C8orf34: variants seen among roughly 807,000 people sequenced by gnomAD.
C8orf34 encodes chromosome 8 open reading frame 34.
A neutral mutation model predicts 68.3 loss-of-function variants in C8orf34; 65 were observed. The ratio of observed to expected loss-of-function variants is 0.95; its 90% CI spans 0.78 to 1.17. C8orf34 has a LOEUF of 1.17. Among genes scored for constraint, C8orf34 ranks in the 50% most tolerant of loss-of-function variants. The probability of loss-of-function intolerance (pLI) is 0.00; values close to 1 mark genes in which losing one functional copy is unlikely to be tolerated. For synonymous variants in C8orf34, 244 were observed against 241.2 expected, an observed-to-expected ratio of 1.01 and a Z score of -0.11; for missense variants, 664 against 655.4, an observed-to-expected ratio of 1.01 and a Z score of -0.14.
At chr8:68,490,684 T>C (rs1813273371) in intron 5 of C8orf34, among the ~76,000 whole-genome samples, 1 of 152,198 alleles carries the variant, frequency 6.6e-6, no homozygotes, top group African/African-American at 2.4e-5. Flanking sequence ...TAAATAACTT[T>C]TCACTTAAAA....
intron 7 of C8orf34, among the ~76,000 whole-genome samples, chr8:68,546,441 A>G (rs1815883709): frequency 6.6e-6 from 1 of 151,924 alleles, no homozygotes; most frequent in South Asian, 2.1e-4. Flanking sequence ...AGGAAGACAA[A>G]ACAATTCTAA....
At chr8:68,772,274 C>T (rs1371291727) in intron 10 of C8orf34, among the ~76,000 whole-genome samples, 1 of 152,146 alleles carries the variant, frequency 6.6e-6, no homozygotes, top group Non-Finnish European at 1.5e-5. Context: ...CACACAAGTG[C>T]CAGTCTGTTT....
At chr8:68,719,599 A>G (rs961554923) in intron 9 of C8orf34, among the ~76,000 whole-genome samples, 7 of 152,040 alleles carry the variant, frequency 4.6e-5, no homozygotes, top group Admixed American at 6.6e-5. Flanking sequence ...ACACAAATAT[A>G]CAATACAATA....
intron 3 of C8orf34, among the ~76,000 whole-genome samples, chr8:68,453,556 A>G (rs1048246687): frequency 1.3e-5 from 2 of 151,796 alleles, no homozygotes; most frequent in African/African-American, 4.8e-5. Flanking sequence ...ATTGTTTCTT[A>G]TTTTCATTTT....
chr8:68,673,438 A>C (rs1048090778), intron 8 of C8orf34, among the ~76,000 whole-genome samples: 11 of 152,084 alleles, frequency 7.2e-5, no homozygotes, highest in African/African-American at 2.7e-4. Flanking sequence ...CCCTGACACC[A>C]TTCACCACAA....
intron 8 of C8orf34, among the ~76,000 whole-genome samples, chr8:68,663,762 G>A (rs181682580): frequency 3.5e-4 from 53 of 152,270 alleles, no homozygotes; most frequent in African/African-American, 1.2e-3. Flanking sequence ...ATGAAAGATT[G>A]CATTACTGTT....
At chr8:68,352,748 A>G (rs1233192603) in intron 1 of C8orf34, among the ~76,000 whole-genome samples, 2 of 152,150 alleles carry the variant, frequency 1.3e-5, no homozygotes, top group Admixed American at 6.6e-5. Context: ...CAGCAATTTC[A>G]TTGTAGGAAT....
chr8:68,514,796 A>G (rs1430099989), intron 5 of C8orf34, among the ~76,000 whole-genome samples: 1 of 152,162 alleles, frequency 6.6e-6, no homozygotes, highest in Non-Finnish European at 1.5e-5. Flanking sequence ...ATTTTCATTC[A>G]ACAGTGTAAC....
intron 12 of C8orf34, among the ~76,000 whole-genome samples, chr8:68,788,314 A>G (rs1298376910): frequency 6.6e-6 from 1 of 152,228 alleles, no homozygotes; most frequent in Admixed American, 6.5e-5. Context: ...CATTATAATC[A>G]TGAATCTGGA....
intron 8 of C8orf34, among the ~76,000 whole-genome samples, chr8:68,654,740 A>C (rs1819464973): frequency 6.6e-6 from 1 of 152,188 alleles, no homozygotes. Context: ...CATGATTTCT[A>C]CATTTTAATA....
At chr8:68,413,384 C>G (rs1809527232) in intron 1 of C8orf34, among the ~76,000 whole-genome samples, 1 of 152,194 alleles carries the variant, frequency 6.6e-6, no homozygotes, top group Non-Finnish European at 1.5e-5. Context: ...GCACAGAGTG[C>G]TTGAGTTATA....
chr8:68,586,193 C>A (rs1817205899), intron 7 of C8orf34, among the ~76,000 whole-genome samples: 1 of 152,114 alleles, frequency 6.6e-6, no homozygotes, highest in Non-Finnish European at 1.5e-5. Context: ...AGCCTCAATA[C>A]ATGTATATTT....
chr8:68,527,860 T>C (rs1163077014), intron 6 of C8orf34, among the ~76,000 whole-genome samples: 1 of 152,194 alleles, frequency 6.6e-6, no homozygotes, highest in South Asian at 2.1e-4. Context: ...CACTCCTGCA[T>C]CCCTGCAGCA....
chr8:68,499,077 T>C (rs1813654171), intron 5 of C8orf34, among the ~76,000 whole-genome samples: 1 of 152,160 alleles, frequency 6.6e-6, no homozygotes, highest in Non-Finnish European at 1.5e-5. Context: ...TGCCCCTCTC[T>C]TTCTCTCCCC....
intron 5 of C8orf34, among the ~76,000 whole-genome samples, chr8:68,520,812 T>C (rs1260415521): frequency 6.6e-6 from 1 of 152,148 alleles, no homozygotes; most frequent in Non-Finnish European, 1.5e-5. Context: ...AATAGTAAAA[T>C]TTATCACTAA....
At chr8:68,608,060 A>T (rs1563558644) in intron 7 of C8orf34, among the ~76,000 whole-genome samples, 1 of 151,718 alleles carries the variant, frequency 6.6e-6, no homozygotes, top group East Asian at 1.9e-4. Flanking sequence ...TAATTTATTC[A>T]CTCTCATTCA....
rs1003878296 is a variant in C8orf34 at position 68,571,411 on chromosome 8, T to C, written c.1105+38262T>C. 4.1e-4 allele frequency among the ~76,000 whole-genome samples: 62 copies of C among 152,328 alleles called. 1 individual carries two copies. The highest frequency in any genetic ancestry group is 1.2e-3 in the African/African-American group (51 of 41,586). On this transcript the variant is annotated intron_variant, in intron 7 of 13. Coordinates refer to ENST00000518698, the MANE Select transcript of C8orf34 (RefSeq NM_052958.4). The stretch of plus-strand genomic sequence containing the variant: ...AGTCTTCTTGCTCCAAAGTTGAAGA[T>C]GACTTGGAGCAAGACAACTTCAGAG...
chr8:68,396,732 A>G lies in C8orf34; in HGVS notation c.328-42767A>G, dbSNP rs1434816005. Reference sequence around the variant, plus strand: ...CTTGTCAAAAAAAAAAAAAAAAAAAAAAAAAAAAAGCCTGGTGCCTCCTCT... The same window carrying G: ...CTTGTCAAAAAAAAAAAAAAAAAAAGAAAAAAAAAGCCTGGTGCCTCCTCT... On this transcript the variant is annotated intron_variant, in intron 1 of 13. Transcript: ENST00000518698. 4.7e-5 allele frequency among the ~76,000 whole-genome samples: 7 copies of G among 148,714 alleles called. No individual in the cohort carries two copies. The East Asian group carries it at 1.4e-3, about 30-fold the overall frequency.
chr8:68,512,457 T>C (rs1814316975), intron 5 of C8orf34, among the ~76,000 whole-genome samples: 1 of 152,062 alleles, frequency 6.6e-6, no homozygotes, highest in Non-Finnish European at 1.5e-5. Flanking sequence ...ATTTTGAAAA[T>C]GAAGTTTGAT....
Sources: allele counts gnomAD v4.1 joint callset (sites outside exome capture counted in the v4.1 genomes callset), GRCh38; gene constraint gnomAD v4.1.1; transcripts MANE v1.5; gene names NCBI Gene and HGNC (gene_info 2026-07-23, HGNC 2026-07-21).